Variants in FBXL17 observed in about 807,000 individuals in gnomAD.
The protein encoded by FBXL17 is F-box/LRR-repeat protein 17.
Under a neutral mutation model 66.2 loss-of-function variants are expected in FBXL17, and 22 were observed. That is an observed-to-expected ratio of 0.33 (90% CI 0.24 to 0.47). The LOEUF (loss-of-function observed/expected upper bound fraction) is 0.47, where lower values mean the gene tolerates loss of function less well. FBXL17 is among the 20% of genes least tolerant of loss of function. The pLI, the probability that FBXL17 is intolerant of heterozygous loss-of-function variation, is 1.00. For synonymous variants in FBXL17, 474 were observed against 400.5 expected (o/e 1.18, Z -2.19); for missense variants, 878 against 948.2 (o/e 0.93, Z 0.97).
Position 108,356,641 on chromosome 5 carries a change from A to T in FBXL17, c.1374+8097T>A, listed in dbSNP as rs535182733. Among the ~76,000 whole-genome samples the T allele has an allele frequency of 1.7e-3, 261 of 152,168 alleles. 1 individual carries two copies. Among genetic ancestry groups the T allele is most frequent in the Middle Eastern group, 3.4e-3 (1 of 294 alleles). On this transcript the variant is annotated intron_variant, in intron 3 of 8. Coordinates refer to ENST00000542267, the MANE Select transcript of FBXL17 (RefSeq NM_001163315.3). ...AGAAGAGTTTACAAAGACAATAAAA[A>T]CATCAGGGGTTGCCAGGAGTTAGAG...
At chr5:108,218,016 C>CTTT (rs752575685) in intron 5 of FBXL17, among the ~76,000 whole-genome samples, 6 of 120,124 alleles carry the variant, frequency 5.0e-5, no homozygotes, top group Admixed American at 8.4e-5. Context: ...AATTTTTTTT[C>CTTT]TTTTTTTTTT....
At chr5:108,204,468 G>A (rs2044711) in intron 5 of FBXL17, among the ~76,000 whole-genome samples, 42,453 of 151,984 alleles carry the variant, frequency 0.28, 6,513 homozygotes, top group Middle Eastern at 0.37. Flanking sequence ...TTACAGGCAT[G>A]AGCCAACACA....
At chr5:107,962,890 G>C (rs919141983) in intron 7 of FBXL17, among the ~76,000 whole-genome samples, 1 of 152,006 alleles carries the variant, frequency 6.6e-6, no homozygotes, top group Admixed American at 6.6e-5. Flanking sequence ...AGGTTTGATA[G>C]AGAAGACAGT....
At chr5:108,373,640 C>G (rs1749213563) in intron 1 of FBXL17, among the ~76,000 whole-genome samples, 1 of 152,112 alleles carries the variant, frequency 6.6e-6, no homozygotes, top group Non-Finnish European at 1.5e-5. Flanking sequence ...CAGGGCCAGG[C>G]ACAGTGGTTC....
chr5:108,355,260 CTTTATTTATTTATTTATTTA>C lies in FBXL17; in HGVS notation c.1375-6750_1375-6731del, dbSNP rs144119979. ...TATCAATAATATAAGGGATGAAAAA[CTTTATTTATTTATTTATTTA>C]TTTATTTATTTATTTATTTATTTAT... is the stretch of plus-strand genomic sequence containing the variant. On this transcript the variant is annotated intron_variant, in intron 3 of 8. Coordinates refer to ENST00000542267, the MANE Select transcript of FBXL17 (RefSeq NM_001163315.3). Among the ~76,000 whole-genome samples, 775 of 141,478 alleles carry C rather than the reference CTTTATTTATTTATTTATTTA, an allele frequency of 5.5e-3. 9 individuals carry two copies. The highest frequency in any genetic ancestry group is 0.019 in the African/African-American group (737 of 38,444). The allele number at this position is 141,478 out of a possible 152,430, so 92.8% of individuals were successfully genotyped here.
chr5:108,110,869 G>C (rs1561415258), intron 6 of FBXL17, among the ~76,000 whole-genome samples: 1 of 151,868 alleles, frequency 6.6e-6, no homozygotes, highest in East Asian at 1.9e-4. Flanking sequence ...TTGATTTTTT[G>C]TATTAACCTT....
chr5:108,256,243 A>G (rs1236043112), intron 4 of FBXL17, among the ~76,000 whole-genome samples: 3 of 152,194 alleles, frequency 2.0e-5, no homozygotes, highest in Non-Finnish European at 4.4e-5. Flanking sequence ...CATTCAATTA[A>G]TATTAGGCAA....
chr5:108,380,177 A>G (rs994087807), intron 1 of FBXL17, among the ~76,000 whole-genome samples: 1 of 152,170 alleles, frequency 6.6e-6, no homozygotes, highest in Non-Finnish European at 1.5e-5. Context: ...TAAAATAAAG[A>G]TATTAACAGT....
chr5:108,146,243 A>C (rs1751555039), intron 6 of FBXL17, among the ~76,000 whole-genome samples: 1 of 152,040 alleles, frequency 6.6e-6, no homozygotes, highest in Non-Finnish European at 1.5e-5. Context: ...AAAAAAAAAA[A>C]AGACTCATCA....
intron 7 of FBXL17, among the ~76,000 whole-genome samples, chr5:107,983,973 GA>G (rs201655380): frequency 6.6e-6 from 1 of 150,426 alleles, no homozygotes. Context: ...GAAAACAAAA[GA>G]AAAAAAAAGA....
chr5:108,330,255 G>T (rs1408254638), intron 4 of FBXL17, among the ~76,000 whole-genome samples: 5 of 152,046 alleles, frequency 3.3e-5, no homozygotes, highest in Admixed American at 1.3e-4. Flanking sequence ...ATACCATAAA[G>T]AAATGACTGC....
chr5:108,200,859 G>A (rs568320318), intron 5 of FBXL17, among the ~76,000 whole-genome samples: 6 of 152,274 alleles, frequency 3.9e-5, no homozygotes, highest in African/African-American at 1.4e-4. Flanking sequence ...GAGCAAACAT[G>A]TGAAGAGCTC....
At chr5:108,211,566 A>G (rs966732815) in intron 5 of FBXL17, among the ~76,000 whole-genome samples, 21 of 152,090 alleles carry the variant, frequency 1.4e-4, no homozygotes, top group Non-Finnish European at 2.5e-4. Context: ...AAAGGACTTT[A>G]TTTCTCCTTT....
intron 7 of FBXL17, among the ~76,000 whole-genome samples, chr5:107,901,994 T>G (rs1245777424): frequency 2.6e-5 from 4 of 152,142 alleles, no homozygotes; most frequent in Admixed American, 6.5e-5. Context: ...GAAATAGACT[T>G]TTAAAAATGT....
chr5:108,215,290 GTT>G (rs1754551884), intron 5 of FBXL17, among the ~76,000 whole-genome samples: 1 of 152,184 alleles, frequency 6.6e-6, no homozygotes, highest in Non-Finnish European at 1.5e-5. Context: ...CTGCCAATCT[GTT>G]TTCCATAGCA....
intron 5 of FBXL17, among the ~76,000 whole-genome samples, chr5:108,212,794 G>A (rs973634578): frequency 8.5e-6 from 1 of 118,018 alleles, no homozygotes; most frequent in South Asian, 2.5e-4. Flanking sequence ...ACAGGAGTCA[G>A]GGACCCACTT....
chr5:108,126,883 T>C lies in FBXL17; in HGVS notation c.1745+59234A>G, dbSNP rs138777521. 5.1e-3 allele frequency among the ~76,000 whole-genome samples: 773 copies of C among 151,418 alleles called. 6 individuals carry two copies. Among genetic ancestry groups the C allele is most frequent in the African/African-American group, 0.018 (736 of 41,358 alleles). On this transcript the variant is annotated intron_variant, in intron 6 of 8. Coordinates refer to ENST00000542267, the MANE Select transcript of FBXL17 (RefSeq NM_001163315.3). ...AATGCCATTGAGAGTCAAAAGAAAA[T>C]ATCGTGTCAACTAAAAGTAAAAGCA...
Position 108,078,269 on chromosome 5 carries a change from T to C in FBXL17, c.1746-57268A>G, listed in dbSNP as rs919125453. Among the ~76,000 whole-genome samples, 3 of 152,198 alleles carry C rather than the reference T, an allele frequency of 2.0e-5. No individual in the cohort carries two copies. In the East Asian group the frequency reaches 5.8e-4, roughly 29 times the overall value. On this transcript the variant is annotated intron_variant, in intron 6 of 8. Transcript: ENST00000542267. ...TATGAGATGATATACTTAAATTTGC[T>C]GTTTTTTGCTTATCTCAAGTTGTTT...
chr5:108,314,127 G>A (rs1018197170), intron 4 of FBXL17, among the ~76,000 whole-genome samples: 3 of 151,580 alleles, frequency 2.0e-5, no homozygotes, highest in Non-Finnish European at 4.4e-5. Context: ...ACTCAAATCT[G>A]CAAGAAAGAT....
Sources: allele counts gnomAD v4.1 joint callset (sites outside exome capture counted in the v4.1 genomes callset), GRCh38; gene constraint gnomAD v4.1.1; transcripts MANE v1.5; gene names NCBI Gene and HGNC (gene_info 2026-07-23, HGNC 2026-07-21).